The following GBE1 variants were observed in gnomAD, a reference collection of about 807,000 sequenced individuals.
GBE1 encodes the protein 1,4-alpha-glucan-branching enzyme.
A neutral mutation model predicts 88.8 loss-of-function variants in GBE1; 70 were observed. That is an observed-to-expected ratio of 0.79 (90% confidence interval 0.65 to 0.96). The LOEUF (loss-of-function observed/expected upper bound fraction) is 0.96. Among genes scored for constraint, GBE1 ranks in the 40% least tolerant of loss-of-function variants. The pLI is 0.00. For synonymous variants in GBE1, 284 were observed against 300.1 expected, an observed-to-expected ratio of 0.95 and a Z score of 0.56; for missense variants, 872 against 871.0, an observed-to-expected ratio of 1.00 and a Z score of -0.01.
chr3:81,746,312 G>A (rs1173452182), intron 1 of GBE1, among the ~76,000 whole-genome samples: 1 of 152,124 alleles, frequency 6.6e-6, no homozygotes, highest in Admixed American at 6.5e-5. Flanking sequence ...TACCCAGGGG[G>A]AGTGCAGTGG....
chr3:81,529,384 T>C (rs541464509), intron 14 of GBE1, among the ~76,000 whole-genome samples: 1 of 152,166 alleles, frequency 6.6e-6, no homozygotes, highest in South Asian at 2.1e-4. Flanking sequence ...CATATTTGTC[T>C]GTGTACTTAT....
intron 7 of GBE1, among the ~76,000 whole-genome samples, chr3:81,633,880 A>C (rs1704552787): frequency 6.6e-6 from 1 of 152,210 alleles, no homozygotes. Flanking sequence ...GTTTTTATCC[A>C]TCCTGCATGT....
chr3:81,642,353 A>G (rs1375580965), intron 7 of GBE1, among the ~76,000 whole-genome samples: 1 of 152,146 alleles, frequency 6.6e-6, no homozygotes, highest in Non-Finnish European at 1.5e-5. Context: ...TATAGTTATA[A>G]ATTAATTTAG....
intron 14 of GBE1, among the ~76,000 whole-genome samples, chr3:81,503,179 G>A (rs143792743): frequency 6.6e-6 from 1 of 152,194 alleles, no homozygotes; most frequent in Non-Finnish European, 1.5e-5. Context: ...TATTGTGCAA[G>A]AAACAAAAAT....
intron 2 of GBE1, among the ~76,000 whole-genome samples, chr3:81,682,320 G>A (rs555473870): frequency 6.6e-6 from 1 of 152,090 alleles, no homozygotes. Flanking sequence ...AAATTAGCTG[G>A]GCATGGTGGC....
chr3:81,663,307 G>T (rs1249520243), intron 3 of GBE1, among the ~76,000 whole-genome samples: 3 of 152,196 alleles, frequency 2.0e-5, no homozygotes, highest in Non-Finnish European at 2.9e-5. Flanking sequence ...GTGGCCAGAC[G>T]TCGAGAGGAC....
Position 81,591,158 on chromosome 3 carries a change from C to A in GBE1, c.1115G>T (p.Gly372Val), listed in dbSNP as rs746347027. The A allele has an allele frequency of 1.3e-6, 2 of 1,598,090 alleles. No individual in the cohort carries two copies. The highest frequency in any genetic ancestry group is 2.2e-5 in the East Asian group (1 of 44,468). Residue 372 changes from glycine (G) to valine (V), a missense_variant, in exon 9 of 16, where the codon GGT (glycine) becomes GTT (valine). Coordinates refer to ENST00000429644, the MANE Select transcript of GBE1 (RefSeq NM_000158.4). ...ATATTCACTGTAATCACCTGAGAAA[C>A]CTTGACCTTAGAAAAAGAAAATCAA... ...MLYHHHGVGQ[G>V]FSGDYSEYFG...
intron 12 of GBE1, among the ~76,000 whole-genome samples, chr3:81,569,784 A>C (rs1049246969): frequency 1.3e-5 from 2 of 152,204 alleles, no homozygotes; most frequent in Non-Finnish European, 2.9e-5. Flanking sequence ...CTAATAAAGA[A>C]AATAATTGCC....
At chr3:81,593,524 G>A (rs1440554998) in intron 8 of GBE1, among the ~76,000 whole-genome samples, 1 of 151,562 alleles carries the variant, frequency 6.6e-6, no homozygotes, top group Non-Finnish European at 1.5e-5. Context: ...TTTTAACCAG[G>A]TAAATCTGCA....
intron 2 of GBE1, among the ~76,000 whole-genome samples, chr3:81,685,206 C>T (rs1016287454): frequency 2.6e-5 from 4 of 152,096 alleles, no homozygotes; most frequent in South Asian, 2.1e-4. Flanking sequence ...ACAGAGAAAA[C>T]GGGAGCCAGC....
chr3:81,540,097 A>G (rs189288315), intron 12 of GBE1, among the ~76,000 whole-genome samples: 100 of 152,082 alleles, frequency 6.6e-4, no homozygotes, highest in African/African-American at 2.4e-3. Context: ...GAAGGCTAAG[A>G]AAAGTCCCAA....
chr3:81,551,976 C>G (rs924206940), intron 12 of GBE1, among the ~76,000 whole-genome samples: 1 of 152,116 alleles, frequency 6.6e-6, no homozygotes, highest in Non-Finnish European at 1.5e-5. Flanking sequence ...GGGTCCATAC[C>G]CTCACTCTAC....
intron 2 of GBE1, among the ~76,000 whole-genome samples, chr3:81,690,890 C>T (rs774251356): frequency 2.0e-5 from 3 of 151,968 alleles, no homozygotes; most frequent in Non-Finnish European, 4.4e-5. Flanking sequence ...TGTCTGTAAG[C>T]ATGATTAAGT....
At chr3:81,533,717 G>A (rs1703037888) in intron 14 of GBE1, among the ~76,000 whole-genome samples, 1 of 152,022 alleles carries the variant, frequency 6.6e-6, no homozygotes, top group South Asian at 2.1e-4. Context: ...ATTTTTCTGG[G>A]AGATGTGAGA....
intron 2 of GBE1, among the ~76,000 whole-genome samples, chr3:81,702,902 A>G (rs1374050269): frequency 6.6e-6 from 1 of 152,074 alleles, no homozygotes; most frequent in African/African-American, 2.4e-5. Context: ...AATGAGCAAT[A>G]GTCATTATGA....
chr3:81,733,625 A>G lies in GBE1; in HGVS notation c.143+27750T>C, dbSNP rs1285281326. The stretch of plus-strand genomic sequence containing the variant: ...TAATTCCCCTGCAGGTCTTTCCACA[A>G]ATGTCAGCTTCTCAATAGTTCCTAA... On this transcript the variant is annotated intron_variant, in intron 1 of 15. Coordinates refer to ENST00000429644, the MANE Select transcript of GBE1 (RefSeq NM_000158.4). This position sits in a 1 kb window ranked among gnomAD's most constrained non-coding sequence, Gnocchi z 4.0. Among the ~76,000 whole-genome samples, 2 of 152,086 alleles carry G rather than the reference A, an allele frequency of 1.3e-5. No individual in the cohort carries two copies. Among genetic ancestry groups the G allele is most frequent in the African/African-American group, 4.8e-5 (2 of 41,410 alleles).
intron 2 of GBE1, among the ~76,000 whole-genome samples, chr3:81,678,337 C>T (rs1007027576): frequency 6.6e-6 from 1 of 152,126 alleles, no homozygotes; most frequent in Non-Finnish European, 1.5e-5. Flanking sequence ...AAATGTCATG[C>T]AGCATATGAC....
intron 3 of GBE1, among the ~76,000 whole-genome samples, chr3:81,663,398 T>C (rs1409062893): frequency 6.6e-6 from 1 of 152,236 alleles, no homozygotes; most frequent in Admixed American, 6.5e-5. Flanking sequence ...GACATCAGCA[T>C]GCCCGCAGGC....
At chr3:81,642,571 T>C (rs1159774103) in intron 7 of GBE1, 1 of 474,552 alleles carries the variant, frequency 2.1e-6, no homozygotes, top group Non-Finnish European at 3.7e-6. Context: ...TTACATGGCG[T>C]AAGATATGTA....
Sources: allele counts gnomAD v4.1 joint callset (sites outside exome capture counted in the v4.1 genomes callset), GRCh38; gene constraint gnomAD v4.1.1; non-coding constraint Gnocchi (gnomAD v3.1); transcripts MANE v1.5; gene names NCBI Gene and HGNC (gene_info 2026-07-23, HGNC 2026-07-21).